Variants in CDK14 observed in about 807,000 individuals in gnomAD.
CDK14 encodes cyclin-dependent kinase 14.
In CDK14, 34 loss-of-function variants were observed where a neutral mutation model predicts 60.7. The ratio of observed to expected loss-of-function variants is 0.56; its 90% CI spans 0.43 to 0.75. The LOEUF is 0.75. CDK14 is among the 30% of genes least tolerant of loss of function. CDK14 has a pLI of 0.00. For missense variants in CDK14, 482 were observed against 564.1 expected (o/e 0.85, Z 1.47); for synonymous variants, 197 against 203.7 (o/e 0.97, Z 0.28).
chr7:91,087,582 A>G (rs895554784), intron 12 of CDK14, among the ~76,000 whole-genome samples: 1 of 152,162 alleles, frequency 6.6e-6, no homozygotes, highest in African/African-American at 2.4e-5. Context: ...AGGTAAGGGT[A>G]TAAATTACTG....
chr7:90,948,717 G>A (rs1794169101), intron 8 of CDK14, among the ~76,000 whole-genome samples: 1 of 152,166 alleles, frequency 6.6e-6, no homozygotes, highest in Admixed American at 6.5e-5. Context: ...CAAATGCCTG[G>A]CTCTCAGGCC....
In CDK14 at chr7:90,979,084, C is replaced by T. The variant is rs563346309; in HGVS notation, c.948-5064C>T. Among the ~76,000 whole-genome samples, 11 of 152,074 alleles carry T rather than the reference C, an allele frequency of 7.2e-5. No individual in the cohort carries two copies. In the East Asian group the frequency reaches 1.5e-3, roughly 21 times the overall value. Reference sequence around the variant, plus strand: ...TAGCAACTACTTATCTTTGTCATTTCGATGAGAAAGCAGCCATACATGGTA... The same window carrying T: ...TAGCAACTACTTATCTTTGTCATTTTGATGAGAAAGCAGCCATACATGGTA... On this transcript the variant is annotated intron_variant, in intron 9 of 14. Coordinates refer to ENST00000380050, the MANE Select transcript of CDK14 (RefSeq NM_001287135.2).
At position 90,596,712 on chromosome 7, in the gene CDK14, C is replaced by A. The variant is rs1266126189; in HGVS notation, c.85C>A (p.Arg29Ser). Residue 29 changes from arginine to serine, a missense_variant, in exon 1 of 15, where the codon CGC becomes AGC. Arg to Ser is a moderately radical substitution (Grantham distance 110). Coordinates refer to ENST00000380050, the MANE Select transcript of CDK14 (RefSeq NM_001287135.2). ...GAGAACTTTGTCGGAGAGTTTCAGT[C>A]GCATTGGTGAGTAGCGCGCTGCCCC... ...LRRTLSESFS[R>S]IALKKDDTTF... 3 of 1,611,080 alleles carry A rather than the reference C, an allele frequency of 1.9e-6. No individual in the cohort carries two copies. Among genetic ancestry groups the A allele is most frequent in the South Asian group, 2.2e-5 (2 of 91,034 alleles).
chr7:90,979,664 G>A (rs1001843431), intron 9 of CDK14: 6 of 152,054 alleles, frequency 3.9e-5, no homozygotes, highest in African/African-American at 1.4e-4. Context: ...TAAACTATTA[G>A]ACATACCCCC....
chr7:90,791,779 T>C (rs1270487516), intron 5 of CDK14, among the ~76,000 whole-genome samples: 2 of 152,194 alleles, frequency 1.3e-5, no homozygotes, highest in African/African-American at 4.8e-5. Flanking sequence ...TTACCCAGCC[T>C]TTTAGCAGAT....
intron 8 of CDK14, among the ~76,000 whole-genome samples, chr7:90,948,296 A>G (rs1157861874): frequency 1.3e-5 from 2 of 152,246 alleles, no homozygotes; most frequent in Non-Finnish European, 2.9e-5. Context: ...GATGTAAACC[A>G]GTGAACTGTG....
intron 11 of CDK14, among the ~76,000 whole-genome samples, chr7:91,057,235 C>T (rs375069734): frequency 0.075 from 11,420 of 151,882 alleles, 631 homozygotes; most frequent in African/African-American, 0.15. Flanking sequence ...TCATATCCTT[C>T]GCCCACTTGT....
At chr7:90,904,904 A>G (rs1792644031) in intron 7 of CDK14, among the ~76,000 whole-genome samples, 1 of 152,202 alleles carries the variant, frequency 6.6e-6, no homozygotes, top group Admixed American at 6.6e-5. Flanking sequence ...GTGAGACAAT[A>G]GCTTGAAAAT....
At chr7:91,110,709 G>C (rs1198958829) in intron 12 of CDK14, among the ~76,000 whole-genome samples, 2 of 151,960 alleles carry the variant, frequency 1.3e-5, no homozygotes, top group African/African-American at 2.4e-5. Context: ...ATAGTTATTT[G>C]TCTGAATTTA....
chr7:90,628,126 A>G (rs1336483466), intron 2 of CDK14, among the ~76,000 whole-genome samples: 1 of 151,800 alleles, frequency 6.6e-6, no homozygotes, highest in Non-Finnish European at 1.5e-5. Context: ...GGCAATTTTT[A>G]TTTTTATTTT....
At chr7:90,596,987 C>G (rs1003722731) in intron 1 of CDK14, among the ~76,000 whole-genome samples, 4 of 152,140 alleles carry the variant, frequency 2.6e-5, no homozygotes, top group Non-Finnish European at 5.9e-5. Flanking sequence ...AGTGCTCGCC[C>G]TTTCGCGCGC....
rs1017688554 is a variant in CDK14 at position 90,974,201 on chromosome 7, C to A, written c.948-9947C>A. On this transcript the variant is annotated intron_variant, in intron 9 of 14. Transcript: ENST00000380050. ...AAAATATGGCTCTATTCTGCCTGAC[C>A]CCACAGGCAGTTAGACCTTATGGTT... Among the ~76,000 whole-genome samples the A allele has an allele frequency of 2.6e-5, 4 of 152,192 alleles. No homozygotes were observed. In the East Asian group the frequency reaches 7.7e-4, roughly 29 times the overall value.
chr7:91,159,745 C>T (rs1170365928), intron 14 of CDK14, among the ~76,000 whole-genome samples: 3 of 152,202 alleles, frequency 2.0e-5, no homozygotes, highest in African/African-American at 4.8e-5. Context: ...AGAAGTTAGG[C>T]GATGGGACCA....
rs538491604 is a variant in CDK14, at chr7:91,208,316, A to G, written c.*1180A>G. 1 of 152,774 alleles carries G rather than the reference A, an allele frequency of 6.5e-6. No homozygotes were observed. Among genetic ancestry groups the G allele is most frequent in the African/African-American group, 2.4e-5 (1 of 41,576 alleles). The allele number at this position is 152,774 out of a possible 1,614,324, so 9.5% of individuals were successfully genotyped here. ...CCAGCTTCCCTTACTCAAGGAGTTG[A>G]GGGACCTTGGAGGATGAAGGCGAGT... is the stretch of plus-strand genomic sequence containing the variant. On this transcript the variant is annotated 3_prime_UTR_variant, in exon 15 of 15. Transcript: ENST00000380050.
intron 4 of CDK14, among the ~76,000 whole-genome samples, chr7:90,749,531 C>T (rs1218376135): frequency 6.6e-6 from 1 of 152,010 alleles, no homozygotes; most frequent in Admixed American, 6.5e-5. Flanking sequence ...GGCCTCTGCT[C>T]CACACCCAGG....
intron 2 of CDK14, among the ~76,000 whole-genome samples, chr7:90,657,200 A>T (rs1162596994): frequency 6.6e-6 from 1 of 152,190 alleles, no homozygotes; most frequent in African/African-American, 2.4e-5. Flanking sequence ...TGGACTATTC[A>T]ATAGCCCAAA....
At chr7:90,924,540 C>T (rs1016254751) in intron 8 of CDK14, among the ~76,000 whole-genome samples, 3 of 152,166 alleles carry the variant, frequency 2.0e-5, no homozygotes, top group Admixed American at 6.5e-5. Context: ...AACCAGACTC[C>T]ACTACTATAT....
At position 90,698,158 on chromosome 7, in the gene CDK14, G is replaced by A. The variant is rs1007280663; in HGVS notation, c.124-28409G>A. On this transcript the variant is annotated intron_variant, in intron 2 of 14. Transcript: ENST00000380050. The stretch of plus-strand genomic sequence containing the variant: ...GTACTTAAAGAAAATTAGCTGATTC[G>A]TGCTACTTGATGTTTTACTTGATGT... Among the ~76,000 whole-genome samples, 11 of 150,874 alleles carry A rather than the reference G, an allele frequency of 7.3e-5. No individual in the cohort carries two copies. The East Asian group carries it at 1.2e-3, about 16-fold the overall frequency.
intron 4 of CDK14, among the ~76,000 whole-genome samples, chr7:90,755,211 C>T (rs750889651): frequency 2.0e-5 from 3 of 152,166 alleles, no homozygotes; most frequent in African/African-American, 4.8e-5. Flanking sequence ...GTGGAGTCAA[C>T]CTACATGCCC....
Sources: allele counts gnomAD v4.1 joint callset (sites outside exome capture counted in the v4.1 genomes callset), GRCh38; gene constraint gnomAD v4.1.1; transcripts MANE v1.5; gene names NCBI Gene and HGNC (gene_info 2026-07-23, HGNC 2026-07-21).